The following ADGRG7 variants were observed in gnomAD, a reference collection of about 807,000 sequenced individuals.
ADGRG7 encodes the protein G-protein coupled receptor 128.
A neutral mutation model predicts 88.6 loss-of-function variants in ADGRG7; 82 were observed. That is an observed-to-expected ratio of 0.93 (90% CI 0.77 to 1.11). ADGRG7 has a LOEUF of 1.11. Among genes scored for constraint, ADGRG7 ranks in the 50% most tolerant of loss-of-function variants. The probability of loss-of-function intolerance (pLI) is 0.00; values close to 1 mark genes in which losing one functional copy is unlikely to be tolerated. For missense variants in ADGRG7, 945 were observed against 953.4 expected, an observed-to-expected ratio of 0.99 and a Z score of 0.12; for synonymous variants, 381 against 345.2, an observed-to-expected ratio of 1.10 and a Z score of -1.15.
At chr3:100,684,038 A>G (rs2094978045) in intron 15 of ADGRG7, among the ~76,000 whole-genome samples, 2 of 152,184 alleles carry the variant, frequency 1.3e-5, no homozygotes, top group African/African-American at 4.8e-5. Flanking sequence ...CCTCTCAGCA[A>G]TATAACAAGT....
chr3:100,641,898 A>G (rs535353088), intron 6 of ADGRG7, among the ~76,000 whole-genome samples: 1 of 152,326 alleles, frequency 6.6e-6, no homozygotes, highest in South Asian at 2.1e-4. Flanking sequence ...ACTAATCAAA[A>G]AAAACCCCGT....
chr3:100,653,914 T>C (rs2094933784), intron 11 of ADGRG7, among the ~76,000 whole-genome samples: 1 of 152,196 alleles, frequency 6.6e-6, no homozygotes, highest in Admixed American at 6.5e-5. Flanking sequence ...AAAGCTGGGT[T>C]CTTGTCACGC....
At chr3:100,688,128 T>C (rs1257862567) in intron 15 of ADGRG7, among the ~76,000 whole-genome samples, 1 of 152,204 alleles carries the variant, frequency 6.6e-6, no homozygotes, top group Non-Finnish European at 1.5e-5. Context: ...GTCGAGGAAT[T>C]TATCCATTTC....
intron 15 of ADGRG7, among the ~76,000 whole-genome samples, chr3:100,686,506 T>C (rs2094982889): frequency 6.6e-6 from 1 of 152,232 alleles, no homozygotes; most frequent in South Asian, 2.1e-4. Flanking sequence ...TTTATGGTTT[T>C]AGGTCTAACA....
At chr3:100,611,078 T>C (rs1413625074) in intron 1 of ADGRG7, among the ~76,000 whole-genome samples, 2 of 152,150 alleles carry the variant, frequency 1.3e-5, no homozygotes, top group South Asian at 2.1e-4. Context: ...AGAACAAAAA[T>C]AGTAAAATTT....
At chr3:100,646,929 GC>G (rs1707760850) in intron 10 of ADGRG7, among the ~76,000 whole-genome samples, 1 of 152,208 alleles carries the variant, frequency 6.6e-6, no homozygotes, top group Non-Finnish European at 1.5e-5. Context: ...GAAGGCCGAG[GC>G]GGGCAGATCA....
chr3:100,619,029 G>C (rs1707268193), intron 1 of ADGRG7, among the ~76,000 whole-genome samples: 1 of 151,990 alleles, frequency 6.6e-6, no homozygotes, highest in Non-Finnish European at 1.5e-5. Context: ...GTCTACTATT[G>C]GTGTATAAGA....
rs184396020 is a variant in ADGRG7, at chr3:100,688,245, T to C, written c.2137-6499T>C. ...GATGTCCCCTTTTCATTTTTTATTG[T>C]GTCTATTTGATTCTTCTCTCTTTTC... On this transcript the variant is annotated intron_variant, in intron 15 of 15. Coordinates refer to ENST00000273352, the MANE Select transcript of ADGRG7 (RefSeq NM_032787.3). 6.0e-3 allele frequency among the ~76,000 whole-genome samples: 913 copies of C among 152,262 alleles called. 11 individuals are homozygous for C. The highest frequency in any genetic ancestry group is 0.021 in the African/African-American group (868 of 41,542).
chr3:100,646,484 A>G, intron 9 of ADGRG7, 85 bp from the exon 10 acceptor site: 1 of 1,027,680 alleles, frequency 9.7e-7, no homozygotes, highest in South Asian at 1.6e-5. Context: ...TTCATTTCTC[A>G]GATGACTGTC....
intron 11 of ADGRG7, 65 bp downstream of exon 11, chr3:100,649,872 A>G: frequency 1.1e-6 from 1 of 909,972 alleles, no homozygotes; most frequent in Non-Finnish European, 1.8e-6. Flanking sequence ...TACTCTGAGA[A>G]TTCTCATGAG....
At chr3:100,615,670 CCTT>C (rs1284883101) in intron 1 of ADGRG7, among the ~76,000 whole-genome samples, 1 of 152,186 alleles carries the variant, frequency 6.6e-6, no homozygotes, top group Non-Finnish European at 1.5e-5. Context: ...GGATGGACCT[CCTT>C]CTTGTTTACA....
chr3:100,694,798 G>A lies in ADGRG7; in HGVS notation c.2191G>A (p.Ala731Thr), dbSNP rs115885846. 1.3e-3 allele frequency: 2,160 copies of A among 1,614,124 alleles called. 28 individuals carry two copies. The African/African-American group carries it at 0.024, about 18-fold the overall frequency. ...TAGAACAAAAGTCTTCCAGAGTGAA[G>A]CTTCCAAAGTGTTGATGTTGCTATC... is the stretch of plus-strand genomic sequence containing the variant. ...TVRTKVFQSE[A>T]SKVLMLLSSI... The change falls in exon 16 of 16, where the codon GCT becomes ACT. Residue 731 changes from alanine to threonine, a missense_variant. Ala to Thr is a moderately conservative substitution (Grantham distance 58, BLOSUM62 0). Coordinates refer to ENST00000273352, the MANE Select transcript of ADGRG7 (RefSeq NM_032787.3).
chr3:100,666,360 C>T (rs918777466), intron 14 of ADGRG7, among the ~76,000 whole-genome samples: 1 of 152,136 alleles, frequency 6.6e-6, no homozygotes, highest in African/African-American at 2.4e-5. Flanking sequence ...GTGTTAGGGT[C>T]ACAAGATAAT....
rs770950687 is a variant in ADGRG7, at chr3:100,654,931, C to G, written c.1476C>G (p.Ser492=). 6.2e-7 allele frequency: 1 copy of G among 1,613,794 alleles called. No homozygotes were observed. The highest frequency in any genetic ancestry group is 2.2e-5 in the East Asian group (1 of 44,866). ...TCTTTGTGTTTGGAATTGAAAACTC[C>G]AATAAGAACTTGCAGACAAGTGATG... The part of the protein sequence containing the change: ...NLLFVFGIEN[S]NKNLQTSDGD... The change falls in exon 12 of 16, where the codon TCC becomes TCG. Residue 492 remains serine (S), a synonymous_variant. Transcript: ENST00000273352.
intron 11 of ADGRG7, among the ~76,000 whole-genome samples, chr3:100,650,252 C>T (rs1455611198): frequency 6.6e-6 from 1 of 151,996 alleles, no homozygotes; most frequent in African/African-American, 2.4e-5. Context: ...TTTTTGAATC[C>T]CATACATTAA....
intron 1 of ADGRG7, among the ~76,000 whole-genome samples, chr3:100,612,675 T>G (rs1260616009): frequency 6.6e-6 from 1 of 152,198 alleles, no homozygotes; most frequent in Non-Finnish European, 1.5e-5. Context: ...AGTGCCTTAC[T>G]TGACCATATT....
In ADGRG7 at chr3:100,635,684, A is replaced by C; in HGVS notation, c.455A>C (p.Asp152Ala). Residue 152 changes from aspartate (D) to alanine (A), a missense_variant, in exon 5 of 16, where the codon GAT becomes GCT. By Grantham distance (126) the Asp-to-Ala change is moderately radical. Coordinates refer to ENST00000273352, the MANE Select transcript of ADGRG7 (RefSeq NM_032787.3). The part of the protein sequence containing the change: ...NLETLEKQVK[D>A]VTAPLNNISS... ...TTCTGGTTTTTAAAACAGGTAAAGGATGTCACAGCACCACTTAATAACATT... is the reference window on the plus strand; with the variant it reads ...TTCTGGTTTTTAAAACAGGTAAAGGCTGTCACAGCACCACTTAATAACATT... 1.2e-6 allele frequency: 2 copies of C among 1,612,584 alleles called. No homozygotes were observed. Among genetic ancestry groups the C allele is most frequent in the Non-Finnish European group, 1.7e-6 (2 of 1,179,588 alleles).
intron 1 of ADGRG7, among the ~76,000 whole-genome samples, chr3:100,625,556 A>T (rs1707369354): frequency 6.6e-6 from 1 of 152,220 alleles, no homozygotes; most frequent in African/African-American, 2.4e-5. Context: ...CAGAACTTCC[A>T]ATACTATGTT....
In ADGRG7 at chr3:100,689,627, T is replaced by C. The variant is rs530240584; in HGVS notation, c.2137-5117T>C. Among the ~76,000 whole-genome samples, 20 of 152,300 alleles carry C rather than the reference T, an allele frequency of 1.3e-4. No individual in the cohort carries two copies. The East Asian group carries it at 3.9e-3, about 29-fold the overall frequency. ...TGTAAAGGATTTTATTTCTTCTTCA[T>C]TTATGAAGCTTAGTTTGGCTGGATA... On this transcript the variant is annotated intron_variant, in intron 15 of 15. Coordinates refer to ENST00000273352, the MANE Select transcript of ADGRG7 (RefSeq NM_032787.3).
Sources: gnomAD v4.1 joint callset for allele counts (sites outside exome capture counted in the v4.1 genomes callset) on GRCh38, gnomAD v4.1.1 for gene constraint, MANE v1.5 for transcripts, NCBI Gene and HGNC (gene_info 2026-07-23, HGNC 2026-07-21) for gene names.